ZBTB7C: variants seen among roughly 807,000 people sequenced by gnomAD.
The protein encoded by ZBTB7C is zinc finger and BTB domain containing 7C.
In ZBTB7C, 8 loss-of-function variants were observed where a neutral mutation model predicts 25.7. The observed-to-expected ratio is 0.31, with a 90% confidence interval of 0.18 to 0.56. The LOEUF (loss-of-function observed/expected upper bound fraction) is 0.56, where lower values mean the gene tolerates loss of function less well. Ranked by LOEUF, ZBTB7C falls within the 20% of genes least tolerant of loss-of-function variation. The pLI, the probability that ZBTB7C is intolerant of heterozygous loss-of-function variation, is 0.91. For missense variants in ZBTB7C, 824 were observed against 855.2 expected, an observed-to-expected ratio of 0.96 and a Z score of 0.46; for synonymous variants, 394 against 369.0, an observed-to-expected ratio of 1.07 and a Z score of -0.78.
chr18:48,110,353 C>T (rs1449748306), intron 3 of ZBTB7C, among the ~76,000 whole-genome samples: 2 of 152,142 alleles, frequency 1.3e-5, no homozygotes, highest in East Asian at 1.9e-4. Flanking sequence ...AAGAGCCGCA[C>T]TCTAAAAGCC....
At chr18:48,268,963 T>C (rs1399474574) in intron 2 of ZBTB7C, among the ~76,000 whole-genome samples, 2 of 148,426 alleles carry the variant, frequency 1.3e-5, no homozygotes, top group African/African-American at 2.5e-5. Flanking sequence ...TGTTTCTTTT[T>C]TTTTTTTTTT....
intron 3 of ZBTB7C, among the ~76,000 whole-genome samples, chr18:48,065,765 G>A (rs1311288886): frequency 1.3e-5 from 2 of 152,110 alleles, no homozygotes; most frequent in Non-Finnish European, 2.9e-5. Flanking sequence ...AGGTAGCTGC[G>A]GCATCCCAGG....
chr18:48,146,107 T>C (rs569615903), intron 3 of ZBTB7C, among the ~76,000 whole-genome samples: 8 of 152,318 alleles, frequency 5.3e-5, no homozygotes, highest in Admixed American at 4.6e-4. Flanking sequence ...GTTGTAAAAA[T>C]AGTTAACAGG....
chr18:48,214,205 C>T (rs1568307272), intron 2 of ZBTB7C, among the ~76,000 whole-genome samples: 1 of 152,200 alleles, frequency 6.6e-6, no homozygotes, highest in East Asian at 1.9e-4. Context: ...AACACATTTA[C>T]ATTGTTGGGC....
chr18:48,294,001 T>C (rs1174762093), intron 2 of ZBTB7C, among the ~76,000 whole-genome samples: 2 of 152,084 alleles, frequency 1.3e-5, no homozygotes, highest in African/African-American at 4.8e-5. Flanking sequence ...GTTTCTTGGG[T>C]GAGGTGCTGG....
chr18:48,087,025 C>G (rs541051991), intron 3 of ZBTB7C, among the ~76,000 whole-genome samples: 238 of 152,264 alleles, frequency 1.6e-3, no homozygotes, highest in African/African-American at 5.5e-3. Context: ...CTATAATGAT[C>G]CTCATTTTCC....
intron 2 of ZBTB7C, among the ~76,000 whole-genome samples, chr18:48,314,993 G>A (rs184086137): frequency 6.6e-6 from 1 of 152,290 alleles, no homozygotes; most frequent in East Asian, 1.9e-4. Context: ...GGAGCCCTCT[G>A]CAGAGGGCAT....
At chr18:48,157,012 C>G (rs1192381180) in intron 3 of ZBTB7C, among the ~76,000 whole-genome samples, 2 of 152,006 alleles carry the variant, frequency 1.3e-5, no homozygotes, top group African/African-American at 2.4e-5. Context: ...TGAATACAGG[C>G]CAGAATTTTA....
intron 2 of ZBTB7C, among the ~76,000 whole-genome samples, chr18:48,218,103 A>G (rs182711403): frequency 1.1e-4 from 17 of 152,262 alleles, no homozygotes; most frequent in African/African-American, 4.1e-4. Flanking sequence ...GTTCAAAGTC[A>G]ACACCGAACA....
chr18:48,277,012 T>C (rs1162603721), intron 2 of ZBTB7C, among the ~76,000 whole-genome samples: 1 of 150,958 alleles, frequency 6.6e-6, no homozygotes, highest in Non-Finnish European at 1.5e-5. Flanking sequence ...GTGAGATGGA[T>C]TTAAACGTTA....
At chr18:48,277,369 T>G (rs1459230379) in intron 2 of ZBTB7C, among the ~76,000 whole-genome samples, 1 of 150,914 alleles carries the variant, frequency 6.6e-6, no homozygotes, top group Admixed American at 6.6e-5. Context: ...AAGAAGACAT[T>G]TATGCAGCCA....
At chr18:48,392,934 TC>T in intron 1 of ZBTB7C, among the ~76,000 whole-genome samples, 1 of 152,230 alleles carries the variant, frequency 6.6e-6, no homozygotes, top group East Asian at 1.9e-4. Flanking sequence ...CCAGTGAGTG[TC>T]CCTAGACCTC....
intron 3 of ZBTB7C, among the ~76,000 whole-genome samples, chr18:48,074,525 A>G (rs2037684085): frequency 6.6e-6 from 1 of 152,244 alleles, no homozygotes; most frequent in African/African-American, 2.4e-5. Context: ...ACCATCAGAG[A>G]GAGCCCAGCA....
intron 1 of ZBTB7C, among the ~76,000 whole-genome samples, chr18:48,340,392 C>G (rs1483267745): frequency 1.3e-5 from 2 of 152,222 alleles, no homozygotes; most frequent in East Asian, 3.8e-4. Context: ...CAACAGAAGA[C>G]TAGATCTCCA....
At chr18:48,179,974 CT>C (rs2041856801) in intron 3 of ZBTB7C, among the ~76,000 whole-genome samples, 2 of 137,412 alleles carry the variant, frequency 1.5e-5, no homozygotes, top group African/African-American at 2.7e-5. Flanking sequence ...TGCTTCCTTC[CT>C]TCCCTCCCTC....
chr18:48,176,629 G>GTGTGTGTC, intron 3 of ZBTB7C, among the ~76,000 whole-genome samples: 1 of 152,210 alleles, frequency 6.6e-6, no homozygotes, highest in East Asian at 1.9e-4. Flanking sequence ...GTGTGTGTGT[G>GTGTGTGTC]TGTGTGTGTG....
chr18:48,252,388 A>G (rs1462326975), intron 2 of ZBTB7C: 3 of 152,228 alleles, frequency 2.0e-5, no homozygotes, highest in Non-Finnish European at 4.4e-5. Context: ...ATTTGGGCCT[A>G]AAGATATCTT....
At chr18:48,055,871 G>T (rs1277284246) in intron 3 of ZBTB7C, among the ~76,000 whole-genome samples, 2 of 152,156 alleles carry the variant, frequency 1.3e-5, no homozygotes, top group Non-Finnish European at 2.9e-5. Flanking sequence ...CAAGGCAGGA[G>T]AATCTCCCCA....
At chr18:48,186,535 G>C (rs554696886) in intron 2 of ZBTB7C, among the ~76,000 whole-genome samples, 1 of 152,340 alleles carries the variant, frequency 6.6e-6, no homozygotes, top group Admixed American at 6.5e-5. Context: ...AATGCATCGG[G>C]GAGGTTGACT....
Sources: allele counts gnomAD v4.1 joint callset (sites outside exome capture counted in the v4.1 genomes callset), GRCh38; gene constraint gnomAD v4.1.1; transcripts MANE v1.5; gene names NCBI Gene and HGNC (gene_info 2026-07-23, HGNC 2026-07-21).